MARCHF4: variants seen among roughly 807,000 people sequenced by gnomAD.
MARCHF4 encodes E3 ubiquitin-protein ligase MARCHF4.
Under a neutral mutation model 43.9 loss-of-function variants are expected in MARCHF4, and 14 were observed. That is an observed-to-expected ratio of 0.32 (90% confidence interval 0.21 to 0.50). MARCHF4 has a LOEUF of 0.50. Among genes scored for constraint, MARCHF4 ranks in the 20% least tolerant of loss-of-function variants. The pLI, the probability that MARCHF4 is intolerant of heterozygous loss-of-function variation, is 0.98. For synonymous variants in MARCHF4, 226 were observed against 213.3 expected (o/e 1.06, Z -0.52); for missense variants, 468 against 536.7 (o/e 0.87, Z 1.27).
intron 3 of MARCHF4, chr2:216,259,890 A>T (rs1574456083): frequency 1.8e-6 from 1 of 570,484 alleles, no homozygotes; most frequent in Non-Finnish European, 3.1e-6. Flanking sequence ...ATAGTTGAGC[A>T]CCTTCAGGCA....
intron 1 of MARCHF4, among the ~76,000 whole-genome samples, chr2:216,327,460 A>G (rs1692013725): frequency 6.6e-6 from 1 of 152,114 alleles, no homozygotes; most frequent in Non-Finnish European, 1.5e-5. Context: ...ACCTAGAAGG[A>G]CCTTGGTACA....
At chr2:216,354,958 T>TCTTC (rs1692473010) in intron 1 of MARCHF4, among the ~76,000 whole-genome samples, 2 of 145,310 alleles carry the variant, frequency 1.4e-5, no homozygotes, top group Admixed American at 6.9e-5. Flanking sequence ...TTTCTTTCTT[T>TCTTC]CTTTCTTTCT....
intron 1 of MARCHF4, among the ~76,000 whole-genome samples, chr2:216,298,981 G>T (rs1305263035): frequency 1.3e-5 from 2 of 152,142 alleles, no homozygotes; most frequent in African/African-American, 2.4e-5. Context: ...TCATCTGAGC[G>T]TGCCACTATC....
chr2:216,364,164 C>G (rs546724133), intron 1 of MARCHF4, among the ~76,000 whole-genome samples: 1 of 152,080 alleles, frequency 6.6e-6, no homozygotes, highest in Non-Finnish European at 1.5e-5. Context: ...CCCTGTGGAC[C>G]CTTTCTTCTG....
chr2:216,364,785 T>C (rs1283764412), intron 1 of MARCHF4, among the ~76,000 whole-genome samples: 1 of 152,180 alleles, frequency 6.6e-6, no homozygotes, highest in African/African-American at 2.4e-5. Flanking sequence ...AATCAGAATG[T>C]CCTGTAGACC....
intron 1 of MARCHF4, among the ~76,000 whole-genome samples, chr2:216,319,476 T>C (rs1036119095): frequency 2.6e-5 from 4 of 152,180 alleles, no homozygotes; most frequent in Non-Finnish European, 5.9e-5. Flanking sequence ...TTACATGTCC[T>C]GTCTAGAGCA....
intron 1 of MARCHF4, among the ~76,000 whole-genome samples, chr2:216,295,249 G>A (rs1458840867): frequency 1.3e-5 from 2 of 152,096 alleles, no homozygotes; most frequent in Non-Finnish European, 2.9e-5. Flanking sequence ...CAAGGTGAGG[G>A]TTTTTGTTTT....
At chr2:216,299,685 C>T (rs1327530252) in intron 1 of MARCHF4, among the ~76,000 whole-genome samples, 1 of 152,228 alleles carries the variant, frequency 6.6e-6, no homozygotes, top group East Asian at 1.9e-4. Flanking sequence ...TCAGTTAACA[C>T]CAGCTGCTGA....
chr2:216,356,789 G>A (rs1024974240), intron 1 of MARCHF4, among the ~76,000 whole-genome samples: 3 of 152,246 alleles, frequency 2.0e-5, no homozygotes, highest in African/African-American at 4.8e-5. Context: ...TTGAGAGGCC[G>A]AGGTGGGTGG....
At chr2:216,349,843 C>T (rs1052512531) in intron 1 of MARCHF4, among the ~76,000 whole-genome samples, 1 of 152,132 alleles carries the variant, frequency 6.6e-6, no homozygotes, top group African/African-American at 2.4e-5. Context: ...TAACATTTTT[C>T]TCAACAGTGA....
chr2:216,277,881 G>A lies in MARCHF4; in HGVS notation c.673-17C>T. On this transcript the variant is annotated splice_polypyrimidine_tract_variant and intron_variant, in intron 2 of 3. Transcript: ENST00000273067. The stretch of plus-strand genomic sequence containing the variant: ...GGCCTGCCACTGCAGGGGAGAGAGT[G>A]GCCAGTTAGCAGTTGCTTGGATGCC... The A allele has an allele frequency of 6.3e-7, 1 of 1,594,758 alleles. No individual in the cohort carries two copies. Among genetic ancestry groups the A allele is most frequent in the Non-Finnish European group, 8.6e-7 (1 of 1,165,218 alleles).
intron 1 of MARCHF4, among the ~76,000 whole-genome samples, chr2:216,300,144 T>C (rs1025994385): frequency 2.0e-5 from 3 of 152,254 alleles, no homozygotes; most frequent in Admixed American, 2.0e-4. Context: ...GCAATTCCCT[T>C]AGCCTCTCTG....
intron 1 of MARCHF4, among the ~76,000 whole-genome samples, chr2:216,336,904 C>G (rs1480475262): frequency 6.6e-6 from 1 of 151,914 alleles, no homozygotes; most frequent in African/African-American, 2.4e-5. Flanking sequence ...GTAATCCCAG[C>G]ATTTTGGGAG....
rs1690867998 is a variant in MARCHF4, at chr2:216,267,689, T to C, written c.866-8010A>G. 2.6e-5 allele frequency among the ~76,000 whole-genome samples: 4 copies of C among 152,184 alleles called. 1 individual carries two copies. The South Asian group carries it at 8.3e-4, about 31-fold the overall frequency. On this transcript the variant is annotated intron_variant, in intron 3 of 3. Coordinates refer to ENST00000273067, the MANE Select transcript of MARCHF4 (RefSeq NM_020814.3). ...GGCGTGTTTCATATTGTCCCCAAAA[T>C]GTATTAGCTGGCTTGAGCTTCCACC...
intron 1 of MARCHF4, among the ~76,000 whole-genome samples, chr2:216,360,075 C>A (rs1377048418): frequency 6.6e-6 from 1 of 152,066 alleles, no homozygotes; most frequent in South Asian, 2.1e-4. Context: ...TTCTCAAAGT[C>A]AGAGATTGAA....
Position 216,370,080 on chromosome 2 carries a change from G to T in MARCHF4, c.181C>A (p.Pro61Thr). Reference protein sequence around the residue: ...VFLLRRPPQAPLPMHGDPQPP... With the variant: ...VFLLRRPPQATLPMHGDPQPP... Reference sequence around the variant, plus strand: ...TGGGGGTCGCCGTGCATGGGCAGGGGCGCTTGAGGAGGGCGCCGCAGTAAG... The same window carrying T: ...TGGGGGTCGCCGTGCATGGGCAGGGTCGCTTGAGGAGGGCGCCGCAGTAAG... Residue 61 changes from proline to threonine, a missense_variant, in exon 1 of 4, where the codon CCC becomes ACC. Physicochemically the swap from Pro to Thr is conservative, Grantham distance 38. Coordinates refer to ENST00000273067, the MANE Select transcript of MARCHF4 (RefSeq NM_020814.3). 6.3e-7 allele frequency: 1 copy of T among 1,577,826 alleles called. No homozygotes were observed. Among genetic ancestry groups the T allele is most frequent in the Non-Finnish European group, 8.6e-7 (1 of 1,161,988 alleles).
At chr2:216,282,225 C>A (rs367716144) in intron 2 of MARCHF4, among the ~76,000 whole-genome samples, 12 of 152,220 alleles carry the variant, frequency 7.9e-5, no homozygotes, top group African/African-American at 2.4e-4. Flanking sequence ...GCTAAGGTGC[C>A]TGGGGCTTTT....
At chr2:216,273,136 C>T (rs181224906) in intron 3 of MARCHF4, among the ~76,000 whole-genome samples, 53 of 152,344 alleles carry the variant, frequency 3.5e-4, no homozygotes, top group African/African-American at 1.2e-3. Context: ...AGTTGGCTTT[C>T]GTGAAGCTTC....
chr2:216,286,269 G>C (rs1350224506), intron 1 of MARCHF4, among the ~76,000 whole-genome samples: 4 of 152,236 alleles, frequency 2.6e-5, no homozygotes, highest in African/African-American at 9.6e-5. Flanking sequence ...TCCAGGTGCA[G>C]TGGCTCACGC....
Sources: allele counts gnomAD v4.1 joint callset (sites outside exome capture counted in the v4.1 genomes callset), GRCh38; gene constraint gnomAD v4.1.1; transcripts MANE v1.5; gene names NCBI Gene and HGNC (gene_info 2026-07-23, HGNC 2026-07-21).